KIF6: variants seen among roughly 807,000 people sequenced by gnomAD.
KIF6 encodes kinesin-like protein KIF6.
Under a neutral mutation model 112.7 loss-of-function variants are expected in KIF6, and 106 were observed. The observed-to-expected ratio is 0.94, with a 90% confidence interval of 0.80 to 1.11. The LOEUF is 1.11. KIF6 is among the 50% of genes least tolerant of loss of function. The pLI is 0.00. For missense variants in KIF6, 929 were observed against 964.0 expected (o/e 0.96, Z 0.48); for synonymous variants, 339 against 339.9 (o/e 1.00, Z 0.03).
At chr6:39,578,000 A>G in intron 10 of KIF6, 56 bp downstream of exon 10, 1 of 1,176,546 alleles carries the variant, frequency 8.5e-7, no homozygotes, top group Non-Finnish European at 1.3e-6. Context: ...GCCAACAAAG[A>G]AGTTAACACA....
chr6:39,663,910 T>G (rs1169736336), intron 3 of KIF6, among the ~76,000 whole-genome samples: 4 of 151,696 alleles, frequency 2.6e-5, no homozygotes, highest in African/African-American at 9.7e-5. Flanking sequence ...TGTAAAGCAA[T>G]TTAATCACCA....
intron 5 of KIF6, among the ~76,000 whole-genome samples, chr6:39,615,424 C>T (rs982596386): frequency 1.6e-4 from 25 of 152,090 alleles, no homozygotes; most frequent in Admixed American, 3.3e-4. Flanking sequence ...CAGGCACTTG[C>T]CTTATTTCAT....
At chr6:39,436,030 T>G (rs1771505651) in intron 13 of KIF6, among the ~76,000 whole-genome samples, 1 of 152,158 alleles carries the variant, frequency 6.6e-6, no homozygotes. Context: ...CATCTATTGT[T>G]TTTTGACATT....
intron 6 of KIF6, among the ~76,000 whole-genome samples, chr6:39,606,187 A>G (rs1189399601): frequency 1.3e-5 from 2 of 151,396 alleles, no homozygotes; most frequent in Non-Finnish European, 2.9e-5. Flanking sequence ...ATTCACTTCT[A>G]ATGGCACTTT....
chr6:39,385,572 T>C (rs757406385), intron 16 of KIF6, 50 bp downstream of exon 16: 7 of 1,440,016 alleles, frequency 4.9e-6, no homozygotes, highest in South Asian at 1.1e-5. Flanking sequence ...TAAAATCAGG[T>C]CAGTTTATAT....
intron 13 of KIF6, among the ~76,000 whole-genome samples, chr6:39,500,271 A>T (rs1422869353): frequency 2.0e-5 from 3 of 152,240 alleles, no homozygotes; most frequent in Non-Finnish European, 4.4e-5. Flanking sequence ...AGTTGCAAGA[A>T]TACAAGAGAG....
intron 13 of KIF6, among the ~76,000 whole-genome samples, chr6:39,524,466 T>C (rs955482071): frequency 6.6e-6 from 1 of 152,188 alleles, no homozygotes; most frequent in Admixed American, 6.5e-5. Flanking sequence ...GCCATCCAGA[T>C]ACCCCTTGAA....
intron 15 of KIF6, among the ~76,000 whole-genome samples, chr6:39,407,480 C>T (rs915242170): frequency 6.6e-6 from 1 of 152,162 alleles, no homozygotes; most frequent in South Asian, 2.1e-4. Context: ...CTAGTGTTTG[C>T]TAATGAGTTG....
intron 5 of KIF6, chr6:39,620,241 G>A (rs1384464423): frequency 3.9e-5 from 6 of 152,044 alleles, no homozygotes; most frequent in Non-Finnish European, 8.8e-5. Context: ...TTATACAGCC[G>A]TGCACTAAAA....
At chr6:39,700,251 T>G (rs1788805007) in intron 3 of KIF6, among the ~76,000 whole-genome samples, 1 of 152,228 alleles carries the variant, frequency 6.6e-6, no homozygotes. Context: ...TATTCATTCT[T>G]TCTATAAGGT....
intron 14 of KIF6, among the ~76,000 whole-genome samples, chr6:39,423,250 C>A (rs904046812): frequency 1.3e-5 from 2 of 152,300 alleles, no homozygotes; most frequent in African/African-American, 4.8e-5. Context: ...CTTCCCGTAA[C>A]ACCCAGCCCT....
chr6:39,422,634 T>C (rs1213867216), intron 14 of KIF6, among the ~76,000 whole-genome samples: 1 of 151,610 alleles, frequency 6.6e-6, no homozygotes, highest in Non-Finnish European at 1.5e-5. Context: ...TCAAAGGAGA[T>C]GGGAGAGATG....
chr6:39,461,533 T>A lies in KIF6; in HGVS notation c.1646-30372A>T, dbSNP rs182284482. 3.5e-4 allele frequency among the ~76,000 whole-genome samples: 54 copies of A among 152,280 alleles called. No homozygotes were observed. The East Asian group carries it at 0.01, about 29-fold the overall frequency. ...TTTACATTAAAAATGTAAGAAAAGG[T>A]GAAATTAATTTTAATATGTTTTATT... On this transcript the variant is annotated intron_variant, in intron 13 of 22. Transcript: ENST00000287152.
intron 13 of KIF6, among the ~76,000 whole-genome samples, chr6:39,534,783 A>G (rs1461638969): frequency 6.6e-6 from 1 of 152,246 alleles, no homozygotes; most frequent in Non-Finnish European, 1.5e-5. Context: ...AGTTGAAATG[A>G]AGGAAAAAAT....
intron 10 of KIF6, among the ~76,000 whole-genome samples, chr6:39,568,846 T>C (rs4714260): frequency 0.46 from 70,278 of 152,088 alleles, 17,092 homozygotes; most frequent in African/African-American, 0.6. Flanking sequence ...CCACTGAGCC[T>C]GGCCGAGATT....
chr6:39,425,010 G>A (rs144793130), intron 14 of KIF6, among the ~76,000 whole-genome samples: 53 of 152,252 alleles, frequency 3.5e-4, no homozygotes, highest in South Asian at 2.1e-4. Flanking sequence ...TGTGTCAGGC[G>A]GAGATACTCA....
At chr6:39,720,949 A>AT in intron 1 of KIF6, 138 bp from the exon 2 acceptor site, 1 of 574,268 alleles carries the variant, frequency 1.7e-6, no homozygotes, top group East Asian at 2.8e-5. Flanking sequence ...AATTTGAATA[A>AT]TTTTTCTCTT....
intron 5 of KIF6, among the ~76,000 whole-genome samples, chr6:39,619,507 A>G (rs1399860211): frequency 2.6e-5 from 4 of 152,192 alleles, no homozygotes; most frequent in Admixed American, 6.5e-5. Flanking sequence ...TAATGTAACC[A>G]ACAGGGTTCA....
At chr6:39,562,498 A>C (rs548913941) in intron 10 of KIF6, among the ~76,000 whole-genome samples, 4 of 152,304 alleles carry the variant, frequency 2.6e-5, no homozygotes, top group African/African-American at 9.6e-5. Flanking sequence ...ACGCACACCA[A>C]TTCTAGAATA....
Sources: gnomAD v4.1 joint callset for allele counts (sites outside exome capture counted in the v4.1 genomes callset) on GRCh38, gnomAD v4.1.1 for gene constraint, MANE v1.5 for transcripts, NCBI Gene and HGNC (gene_info 2026-07-23, HGNC 2026-07-21) for gene names.